Variants in PAIP2 observed in about 807,000 individuals in gnomAD.
PAIP2 encodes the protein poly(A) binding protein interacting protein 2.
A neutral mutation model predicts 14.8 loss-of-function variants in PAIP2; 7 were observed. The ratio of observed to expected loss-of-function variants is 0.47; its 90% CI spans 0.27 to 0.89. The LOEUF is 0.89. Ranked by LOEUF, PAIP2 falls within the 40% of genes least tolerant of loss-of-function variation. PAIP2 has a pLI of 0.13. For synonymous variants in PAIP2, 47 were observed against 45.3 expected (o/e 1.04, Z -0.15); for missense variants, 122 against 154.7 (o/e 0.79, Z 1.12).
Position 139,368,835 on chromosome 5 carries a change from T to C in PAIP2, c.*37T>C. On this transcript the variant is annotated 3_prime_UTR_variant, in exon 4 of 4. Transcript: ENST00000265192. ...CCTCTTTTGGTGGATGTAGCACAAT[T>C]TCCACACTGTGAAGGCAGTATTAGA... 1 of 1,420,582 alleles carries C rather than the reference T, an allele frequency of 7.0e-7. No homozygotes were observed. Among genetic ancestry groups the C allele is most frequent in the Non-Finnish European group, 1.0e-6 (1 of 1,004,266 alleles). 88.0% of individuals were successfully genotyped at this position (1,420,582 alleles called of 1,614,324 possible). A position where few individuals can be genotyped will look rare whatever the true frequency, so the allele number is the denominator to read the frequency against.
intron 3 of PAIP2, among the ~76,000 whole-genome samples, chr5:139,365,732 TCA>T (rs1343560573): frequency 1.3e-5 from 2 of 152,090 alleles, no homozygotes; most frequent in Non-Finnish European, 2.9e-5. Context: ...CGACATGGAA[TCA>T]CTTCCGGCAA....
At chr5:139,360,278 T>C (rs1279924330) in intron 1 of PAIP2, among the ~76,000 whole-genome samples, 1 of 152,058 alleles carries the variant, frequency 6.6e-6, no homozygotes, top group East Asian at 1.9e-4. Flanking sequence ...TTATTTTCTT[T>C]AGAGGAACTG....
intron 1 of PAIP2, among the ~76,000 whole-genome samples, chr5:139,352,861 A>T (rs1347177279): frequency 6.6e-6 from 1 of 151,824 alleles, no homozygotes; most frequent in Non-Finnish European, 1.5e-5. Context: ...TCACGCCTGT[A>T]ATCCAGCACT....
At chr5:139,344,697 T>C (rs1234732274) in intron 1 of PAIP2, among the ~76,000 whole-genome samples, 3 of 152,200 alleles carry the variant, frequency 2.0e-5, no homozygotes, top group Non-Finnish European at 4.4e-5. Context: ...GTACTTGAGC[T>C]TTTATCAGTT....
intron 1 of PAIP2, among the ~76,000 whole-genome samples, chr5:139,359,692 G>A (rs567040842): frequency 3.0e-4 from 46 of 151,768 alleles, no homozygotes; most frequent in African/African-American, 9.9e-4. Context: ...ATTTTCGGCC[G>A]GACACGGTGG....
At position 139,369,095 on chromosome 5, in the gene PAIP2, C is replaced by CT. The variant is rs1757487268; in HGVS notation, c.*304dup. On this transcript the variant is annotated 3_prime_UTR_variant, in exon 4 of 4. Transcript: ENST00000265192. Reference sequence around the variant, plus strand: ...AAAGACCTAAACCTTACCAAATTGTCTTTTTTTGAGGCTAATCTATCACTT... The same window carrying CT: ...AAAGACCTAAACCTTACCAAATTGTCTTTTTTTTGAGGCTAATCTATCACTT... 3 of 230,090 alleles carry CT rather than the reference C, an allele frequency of 1.3e-5. No homozygotes were observed. The highest frequency in any genetic ancestry group is 2.3e-5 in the African/African-American group (1 of 44,246). The allele number at this position is 230,090 out of a possible 1,614,324, so 14.3% of individuals were successfully genotyped here.
At chr5:139,355,662 C>T (rs913857503) in intron 1 of PAIP2, among the ~76,000 whole-genome samples, 27 of 152,210 alleles carry the variant, frequency 1.8e-4, no homozygotes, top group Admixed American at 1.7e-3. Context: ...CGAGACCAAC[C>T]TGGCCAACAT....
chr5:139,360,325 T>C (rs948958677), intron 1 of PAIP2, among the ~76,000 whole-genome samples: 6 of 152,126 alleles, frequency 3.9e-5, no homozygotes, highest in African/African-American at 1.4e-4. Flanking sequence ...CAAAATAGTT[T>C]TTCATCCAAG....
Position 139,361,530 on chromosome 5 carries a change from A to G in PAIP2, c.-26-2229A>G, listed in dbSNP as rs531298437. On this transcript the variant is annotated intron_variant, in intron 1 of 3. Coordinates refer to ENST00000265192, the MANE Select transcript of PAIP2 (RefSeq NM_016480.5). Reference sequence around the variant, plus strand: ...AACTTAATGAATTGGAATATTTTAGAATGTGAAACCTTGTGCTTCAGATAT... The same window carrying G: ...AACTTAATGAATTGGAATATTTTAGGATGTGAAACCTTGTGCTTCAGATAT... Among the ~76,000 whole-genome samples the G allele has an allele frequency of 1.6e-4, 24 of 152,320 alleles. No individual in the cohort carries two copies. The South Asian group carries it at 5.0e-3, about 32-fold the overall frequency.
chr5:139,353,701 CTTATA>C (rs1444086789), intron 1 of PAIP2, among the ~76,000 whole-genome samples: 1 of 149,702 alleles, frequency 6.7e-6, no homozygotes, highest in South Asian at 2.1e-4. Context: ...ATTTATAATT[CTTATA>C]TTATGCATTG....
intron 1 of PAIP2, among the ~76,000 whole-genome samples, chr5:139,348,307 G>T (rs1756619155): frequency 6.6e-6 from 1 of 151,686 alleles, no homozygotes; most frequent in Non-Finnish European, 1.5e-5. Context: ...TCCTGCTTCA[G>T]CCTTCTGAGT....
At chr5:139,364,485 GTT>G in intron 2 of PAIP2, 77 bp from the exon 3 acceptor site, 1 of 814,242 alleles carries the variant, frequency 1.2e-6, no homozygotes, top group Non-Finnish European at 1.9e-6. Flanking sequence ...CCTTTAAATG[GTT>G]TAGTTCAAGA....
At chr5:139,351,415 A>G (rs1756731465) in intron 1 of PAIP2, among the ~76,000 whole-genome samples, 2 of 152,184 alleles carry the variant, frequency 1.3e-5, no homozygotes, top group South Asian at 2.1e-4. Context: ...GTGGTGTTGT[A>G]TCCATTAAAA....
chr5:139,350,122 C>T (rs61315669), intron 1 of PAIP2, among the ~76,000 whole-genome samples: 1 of 150,682 alleles, frequency 6.6e-6, no homozygotes, highest in African/African-American at 2.5e-5. Flanking sequence ...CTGCAGTGAG[C>T]TGAGATCGCG....
At chr5:139,351,949 A>T (rs575759214) in intron 1 of PAIP2, among the ~76,000 whole-genome samples, 18 of 152,148 alleles carry the variant, frequency 1.2e-4, no homozygotes, top group Non-Finnish European at 1.0e-4. Context: ...AACAAAATTG[A>T]TCCTAAATTT....
In PAIP2 at chr5:139,364,600, C is replaced by A. The variant is rs779602855; in HGVS notation, c.175C>A (p.Arg59Ser). Residue 59 changes from arginine (R) to serine (S), a missense_variant, in exon 3 of 4, where the codon CGC becomes AGC. Arg to Ser is a moderately radical substitution (Grantham distance 110, BLOSUM62 -1). Transcript: ENST00000265192. ...GTTATGGGAAGAAGAATTTATTGAA[C>A]GCTGTTTCCAAGAAATGCTGGAAGA... ...EELWEEEFIE[R>S]CFQEMLEEEE... 18 of 1,607,708 alleles carry A rather than the reference C, an allele frequency of 1.1e-5. No homozygotes were observed. The highest frequency in any genetic ancestry group is 1.5e-5 in the Non-Finnish European group (18 of 1,174,554).
intron 2 of PAIP2, among the ~76,000 whole-genome samples, chr5:139,364,305 G>A (rs1285539914): frequency 6.6e-6 from 1 of 152,162 alleles, no homozygotes; most frequent in East Asian, 1.9e-4. Context: ...AGAAAAAAGA[G>A]ACAGGCATCT....
intron 1 of PAIP2, among the ~76,000 whole-genome samples, chr5:139,343,580 T>G (rs1756445495): frequency 6.6e-6 from 1 of 152,192 alleles, no homozygotes; most frequent in Non-Finnish European, 1.5e-5. Flanking sequence ...TGTGGGAGAT[T>G]AAAGAATGTG....
chr5:139,347,730 C>T (rs1756596054), intron 1 of PAIP2, among the ~76,000 whole-genome samples: 1 of 151,388 alleles, frequency 6.6e-6, no homozygotes, highest in South Asian at 2.1e-4. Context: ...TACCCTAAAA[C>T]TTAAAGTATA....
Sources: allele counts gnomAD v4.1 joint callset (sites outside exome capture counted in the v4.1 genomes callset), GRCh38; gene constraint gnomAD v4.1.1; transcripts MANE v1.5; gene names NCBI Gene and HGNC (gene_info 2026-07-23, HGNC 2026-07-21).